Variants in B3GAT2 observed in about 807,000 individuals in gnomAD.
B3GAT2 encodes the protein beta-1,3-glucuronyltransferase 2.
In B3GAT2, 26 loss-of-function variants were observed where a neutral mutation model predicts 27.8. That is an observed-to-expected ratio of 0.93 (90% CI 0.68 to 1.30). The LOEUF is 1.30. Ranked by LOEUF, B3GAT2 falls within the 50% of genes most tolerant of loss-of-function variation. B3GAT2 has a pLI of 0.00. For missense variants in B3GAT2, 458 were observed against 459.0 expected (o/e 1.00, Z 0.02); for synonymous variants, 218 against 195.1 (o/e 1.12, Z -0.98).
At position 70,861,293 on chromosome 6, in the gene B3GAT2, A is replaced by C. The variant is rs1771715096; in HGVS notation, c.*370T>G. The C allele has an allele frequency of 5.3e-6, 1 of 190,296 alleles. No individual in the cohort carries two copies. The highest frequency in any genetic ancestry group is 5.3e-5 in the Admixed American group (1 of 18,774). 11.8% of individuals were successfully genotyped at this position (190,296 alleles called of 1,614,324 possible). On this transcript the variant is annotated 3_prime_UTR_variant, in exon 4 of 4. Transcript: ENST00000230053. The stretch of plus-strand genomic sequence containing the variant: ...GCTGACAAAATACTTGTCTGTTTTA[A>C]AAACCTGTTCAAGTCTACCAACCTG...
rs373218616 is a variant in B3GAT2, at chr6:70,956,056, A to T, written c.374T>A (p.Leu125Gln). 524 of 1,585,062 alleles carry T rather than the reference A, an allele frequency of 3.3e-4. No individual in the cohort carries two copies. The highest frequency in any genetic ancestry group is 3.6e-4 in the Non-Finnish European group (419 of 1,170,678). Residue 125 changes from leucine (L) to glutamine (Q), a missense_variant, in exon 1 of 4, where the codon CTG becomes CAG. By Grantham distance (113) the Leu-to-Gln change is moderately radical. Transcript: ENST00000230053. ...GGCCCGCGCCAGGAAGCGGCTCACC[A>T]GCTCGCTGCGCGCCGCCGCGTCCTC... is the stretch of plus-strand genomic sequence containing the variant. Reference protein sequence around the residue: ...LVEDAAARSELVSRFLARAGL... With the variant: ...LVEDAAARSEQVSRFLARAGL...
chr6:70,950,617 G>T (rs1393226658), intron 1 of B3GAT2, among the ~76,000 whole-genome samples: 4 of 152,168 alleles, frequency 2.6e-5, no homozygotes, highest in African/African-American at 9.7e-5. Flanking sequence ...TAGTGCTTCT[G>T]TTAAAAACGG....
intron 1 of B3GAT2, among the ~76,000 whole-genome samples, chr6:70,935,127 T>C (rs545349925): frequency 2.5e-4 from 37 of 150,338 alleles, no homozygotes; most frequent in Non-Finnish European, 5.0e-4. Context: ...GGAATGAAGA[T>C]AGAAAAAAAA....
intron 1 of B3GAT2, among the ~76,000 whole-genome samples, chr6:70,950,313 A>G (rs1302395885): frequency 6.6e-6 from 1 of 151,800 alleles, no homozygotes; most frequent in African/African-American, 2.4e-5. Context: ...TTATTTTTCA[A>G]TGTAATACAT....
chr6:70,905,627 C>T (rs866000648), intron 1 of B3GAT2, among the ~76,000 whole-genome samples: 2 of 152,058 alleles, frequency 1.3e-5, no homozygotes, highest in African/African-American at 4.8e-5. Context: ...GCATGTTGCT[C>T]GCCTCTGTGG....
At chr6:70,896,930 G>T (rs916860184) in intron 1 of B3GAT2, among the ~76,000 whole-genome samples, 1 of 152,108 alleles carries the variant, frequency 6.6e-6, no homozygotes, top group African/African-American at 2.4e-5. Flanking sequence ...ATACATAGAA[G>T]TGGAATGGCT....
At position 70,859,230 on chromosome 6, in the gene B3GAT2, CTAAG is replaced by C. The variant is rs1351384262; in HGVS notation, c.*2429_*2432del. The C allele has an allele frequency of 1.3e-6, 1 of 748,338 alleles. No individual in the cohort carries two copies. The highest frequency in any genetic ancestry group is 2.1e-6 in the Non-Finnish European group (1 of 466,658). 46.4% of individuals were successfully genotyped at this position (748,338 alleles called of 1,614,324 possible). A position where few individuals can be genotyped will look rare whatever the true frequency, so the allele number is the denominator to read the frequency against. ...CTGGGAATCTAAAAAATTGTATGTG[CTAAG>C]TGTCAGTCACATGGTCAACATGCTG... On this transcript the variant is annotated 3_prime_UTR_variant, in exon 4 of 4. Transcript: ENST00000230053.
intron 2 of B3GAT2, among the ~76,000 whole-genome samples, chr6:70,880,614 AAGT>A (rs1772086206): frequency 6.6e-6 from 1 of 150,410 alleles, no homozygotes; most frequent in Non-Finnish European, 1.5e-5. Context: ...TGAGCCTCCC[AAGT>A]AGCTAGGACT....
At chr6:70,943,840 C>A (rs1263466032) in intron 1 of B3GAT2, among the ~76,000 whole-genome samples, 1 of 152,048 alleles carries the variant, frequency 6.6e-6, no homozygotes, top group African/African-American at 2.4e-5. Context: ...TCAAAGGATA[C>A]AAAATTTCAG....
chr6:70,934,244 T>C (rs774379008), intron 1 of B3GAT2, among the ~76,000 whole-genome samples: 5 of 152,218 alleles, frequency 3.3e-5, no homozygotes, highest in Non-Finnish European at 7.3e-5. Flanking sequence ...TAACTTTAAG[T>C]TAGGGAATAA....
At chr6:70,926,826 C>T (rs939087773) in intron 1 of B3GAT2, among the ~76,000 whole-genome samples, 11 of 152,102 alleles carry the variant, frequency 7.2e-5, no homozygotes, top group South Asian at 2.1e-4. Context: ...ATACACAGAA[C>T]GCCACAAAGA....
Position 70,861,681 on chromosome 6 carries a change from T to A in B3GAT2, c.954A>T (p.Thr318=). Residue 318 remains threonine, a synonymous_variant, in exon 4 of 4, where the codon ACA becomes ACT. Coordinates refer to ENST00000230053, the MANE Select transcript of B3GAT2 (RefSeq NM_080742.3). ...CTTCAATTTATACCTCAATTTTCAC[T>A]GTGTCCAGGTGGTACTTTGGCTCGT... ...LANEPKYHLD[T]VKIEV 1 of 1,613,730 alleles carries A rather than the reference T, an allele frequency of 6.2e-7. No homozygotes were observed. The highest frequency in any genetic ancestry group is 2.2e-5 in the East Asian group (1 of 44,866).
chr6:70,862,702 T>A (rs1331863984), intron 2 of B3GAT2, among the ~76,000 whole-genome samples: 7 of 152,110 alleles, frequency 4.6e-5, no homozygotes, highest in Admixed American at 4.6e-4. Flanking sequence ...GGGCACAGTG[T>A]CTCACATCTG....
chr6:70,874,235 A>C (rs1303201427), intron 2 of B3GAT2, among the ~76,000 whole-genome samples: 1 of 151,982 alleles, frequency 6.6e-6, no homozygotes. Flanking sequence ...TTATCGTTTT[A>C]GTGACTTCCT....
intron 1 of B3GAT2, among the ~76,000 whole-genome samples, chr6:70,947,144 T>C (rs1410058207): frequency 2.0e-5 from 3 of 151,464 alleles, no homozygotes; most frequent in Non-Finnish European, 4.4e-5. Flanking sequence ...GATTCAAAAT[T>C]GACACCCTAA....
chr6:70,907,269 G>A (rs1039571096), intron 1 of B3GAT2, among the ~76,000 whole-genome samples: 1 of 152,138 alleles, frequency 6.6e-6, no homozygotes, highest in African/African-American at 2.4e-5. Flanking sequence ...CTGCTTCTGG[G>A]AAAAGTGCCC....
chr6:70,916,768 C>A (rs773342309), intron 1 of B3GAT2, among the ~76,000 whole-genome samples: 2 of 152,058 alleles, frequency 1.3e-5, no homozygotes, highest in Non-Finnish European at 2.9e-5. Flanking sequence ...AGTGGATAAG[C>A]TTTTTGATGG....
intron 1 of B3GAT2, among the ~76,000 whole-genome samples, chr6:70,909,174 G>A (rs1381729093): frequency 6.6e-6 from 1 of 151,970 alleles, no homozygotes; most frequent in Non-Finnish European, 1.5e-5. Context: ...ACACATGCTA[G>A]GGCTGTTTAT....
chr6:70,871,811 C>T (rs1771942760), intron 2 of B3GAT2, among the ~76,000 whole-genome samples: 1 of 151,524 alleles, frequency 6.6e-6, no homozygotes, highest in African/African-American at 2.4e-5. Context: ...TGAGATCTTT[C>T]TTCTTTTTAA....
Sources: gnomAD v4.1 joint callset for allele counts (sites outside exome capture counted in the v4.1 genomes callset) on GRCh38, gnomAD v4.1.1 for gene constraint, MANE v1.5 for transcripts, NCBI Gene and HGNC (gene_info 2026-07-23, HGNC 2026-07-21) for gene names.